SMAD7: variants seen among roughly 807,000 people sequenced by gnomAD.
SMAD7 encodes the protein SMAD family member 7.
In SMAD7, 8 loss-of-function variants were observed where a neutral mutation model predicts 38.7. That is an observed-to-expected ratio of 0.21 (90% CI 0.12 to 0.37). The LOEUF (loss-of-function observed/expected upper bound fraction) is 0.37, where lower values mean the gene tolerates loss of function less well. Among genes scored for constraint, SMAD7 ranks in the 10% least tolerant of loss-of-function variants. The pLI, the probability that SMAD7 is intolerant of heterozygous loss-of-function variation, is 1.00. For missense variants in SMAD7, 477 were observed against 577.9 expected (o/e 0.83, Z 1.79); for synonymous variants, 327 against 265.1 (o/e 1.23, Z -2.27).
At chr18:48,946,767 G>A (rs925014538) in intron 2 of SMAD7, among the ~76,000 whole-genome samples, 2 of 152,102 alleles carry the variant, frequency 1.3e-5, no homozygotes, top group African/African-American at 4.8e-5. Flanking sequence ...TCCACTCACC[G>A]AAAATGAGGC....
In SMAD7 at chr18:48,950,200, G is replaced by C. The variant is rs905354125; in HGVS notation, c.225C>G (p.Pro75=). Residue 75 remains proline, a synonymous_variant, in exon 1 of 4, where the codon CCC becomes CCG. Coordinates refer to ENST00000262158, the MANE Select transcript of SMAD7 (RefSeq NM_005904.4). Reference sequence around the variant, plus strand: ...CGCCGGCGCCCGCGGCTGGCGGGTGGGGATGGTGGTGACCTTTGGCACCTC... The same window carrying C: ...CGCCGGCGCCCGCGGCTGGCGGGTGCGGATGGTGGTGACCTTTGGCACCTC... ...AVRGAKGHHH[P]HPPAAGAGAA... is the part of the protein sequence containing the mutation. 3.4e-6 allele frequency: 5 copies of C among 1,487,684 alleles called. No homozygotes were observed. The Admixed American group carries it at 9.6e-5, about 28-fold the overall frequency. The allele number at this position is 1,487,684 out of a possible 1,614,324, so 92.2% of individuals were successfully genotyped here. A position where few individuals can be genotyped will look rare whatever the true frequency, so the allele number is the denominator to read the frequency against.
intron 3 of SMAD7, among the ~76,000 whole-genome samples, chr18:48,924,823 A>G (rs1264421276): frequency 6.6e-6 from 1 of 152,192 alleles, no homozygotes; most frequent in African/African-American, 2.4e-5. Context: ...CAGCAAAACC[A>G]TTCGGCAACA....
rs141908573 is a variant in SMAD7 at position 48,938,753 on chromosome 18, C to T, written c.742+3728G>A. On this transcript the variant is annotated intron_variant, in intron 3 of 3. Transcript: ENST00000262158. ...TAGCTTCCAACACATGCTCTGCATT[C>T]CCAGTGATCCCCGGAAAGCTCTGGG... Among the ~76,000 whole-genome samples, 394 of 152,316 alleles carry T rather than the reference C, an allele frequency of 2.6e-3. 4 individuals carry two copies. Among genetic ancestry groups the T allele is most frequent in the African/African-American group, 8.9e-3 (368 of 41,564 alleles).
At chr18:48,939,440 G>A (rs907096779) in intron 3 of SMAD7, among the ~76,000 whole-genome samples, 2 of 100,440 alleles carry the variant, frequency 2.0e-5, no homozygotes, top group Admixed American at 1.5e-4. Flanking sequence ...CAGCAGCCCC[G>A]CCCCCGGGCT....
chr18:48,922,351 A>T (rs932693995), intron 3 of SMAD7, among the ~76,000 whole-genome samples: 2 of 152,126 alleles, frequency 1.3e-5, no homozygotes, highest in Non-Finnish European at 2.9e-5. Flanking sequence ...TGTCATCCTG[A>T]TGAGAAAACC....
chr18:48,949,733 A>G (rs2070238995), intron 1 of SMAD7, 79 bp downstream of exon 1: 2 of 1,450,436 alleles, frequency 1.4e-6, no homozygotes, highest in South Asian at 2.8e-5. Context: ...GGATGGCTGC[A>G]CAAACGCACT....
At chr18:48,937,275 T>C (rs1463576270) in intron 3 of SMAD7, among the ~76,000 whole-genome samples, 2 of 148,894 alleles carry the variant, frequency 1.3e-5, no homozygotes, top group African/African-American at 5.0e-5. Flanking sequence ...TGTGTGTGTG[T>C]GTGTGTGTGT....
chr18:48,921,934 G>A lies in SMAD7; in HGVS notation c.743-24C>T, dbSNP rs755038255. 1.6e-5 allele frequency: 25 copies of A among 1,562,684 alleles called. No individual in the cohort carries two copies. Among genetic ancestry groups the A allele is most frequent in the East Asian group, 2.2e-5 (1 of 44,662 alleles). On this transcript the variant is annotated intron_variant, in intron 3 of 3. Transcript: ENST00000262158. This position sits in a 1 kb window ranked among gnomAD's most constrained non-coding sequence, Gnocchi z 6.4. Reference sequence around the variant, plus strand: ...ATCTAGAAAACACATTGGCAGAGAGGGTTAGTGGGGACAGGCATTGGTGAC... The same window carrying A: ...ATCTAGAAAACACATTGGCAGAGAGAGTTAGTGGGGACAGGCATTGGTGAC...
At chr18:48,925,053 G>A (rs1240071146) in intron 3 of SMAD7, among the ~76,000 whole-genome samples, 2 of 152,212 alleles carry the variant, frequency 1.3e-5, no homozygotes, top group Non-Finnish European at 2.9e-5. Context: ...CTGTGTGGAC[G>A]CTTTGCTCCC....
chr18:48,950,060 C>T lies in SMAD7; in HGVS notation c.365G>A (p.Arg122His), dbSNP rs1443790772. ...LQAVESRGGT[R>H]TACLLLPGRL... ...GCCGGGCAGCAGGAGGCACGCGGTG[C>T]GCGTCCCGCCGCGGGACTCCACGGC... Residue 122 changes from arginine to histidine, a missense_variant, in exon 1 of 4, where the codon CGC (arginine) becomes CAC (histidine). Arg to His is a conservative substitution (Grantham distance 29). Transcript: ENST00000262158. 1.4e-6 allele frequency: 2 copies of T among 1,435,902 alleles called. No homozygotes were observed. Among genetic ancestry groups the T allele is most frequent in the Non-Finnish European group, 1.8e-6 (2 of 1,097,620 alleles). The allele number at this position is 1,435,902 out of a possible 1,614,324, so 88.9% of individuals were successfully genotyped here.
At chr18:48,927,366 G>C (rs536595527) in intron 3 of SMAD7, among the ~76,000 whole-genome samples, 2 of 151,696 alleles carry the variant, frequency 1.3e-5, no homozygotes, top group African/African-American at 4.8e-5. Context: ...GGCTGGACTT[G>C]GGGGTGGGCA....
chr18:48,937,079 G>A (rs577745661), intron 3 of SMAD7, among the ~76,000 whole-genome samples: 11 of 147,228 alleles, frequency 7.5e-5, no homozygotes, highest in Admixed American at 4.7e-4. Context: ...ACTCCATCTC[G>A]AATTAAAAAA....
Position 48,921,935 on chromosome 18 carries a change from G to A in SMAD7, c.743-25C>T, listed in dbSNP as rs1394667535. ...TCTAGAAAACACATTGGCAGAGAGG[G>A]TTAGTGGGGACAGGCATTGGTGACT... On this transcript the variant is annotated intron_variant, in intron 3 of 3. Transcript: ENST00000262158. The surrounding 1 kb of genome is among the most constrained non-coding windows in gnomAD (Gnocchi z 6.4). The A allele has an allele frequency of 6.4e-7, 1 of 1,563,074 alleles. No individual in the cohort carries two copies. Among genetic ancestry groups the A allele is most frequent in the South Asian group, 1.2e-5 (1 of 84,576 alleles).
chr18:48,925,467 T>C (rs1047250734), intron 3 of SMAD7, among the ~76,000 whole-genome samples: 4 of 151,630 alleles, frequency 2.6e-5, no homozygotes, highest in Non-Finnish European at 5.9e-5. Flanking sequence ...CCTTAAAGCA[T>C]AAAATCCTCC....
chr18:48,920,554 A>T lies in SMAD7; in HGVS notation c.*818T>A, dbSNP rs939459430. 1 of 152,594 alleles carries T rather than the reference A, an allele frequency of 6.6e-6. No homozygotes were observed. Among genetic ancestry groups the T allele is most frequent in the East Asian group, 1.9e-4 (1 of 5,192 alleles). The allele number at this position is 152,594 out of a possible 1,614,324, so 9.5% of individuals were successfully genotyped here. ...GGCAGGCAGGGGAGAGGCTGAGGGGAGAGGGCACTGGGTGAGCAATACTGT... is the reference window on the plus strand; with the variant it reads ...GGCAGGCAGGGGAGAGGCTGAGGGGTGAGGGCACTGGGTGAGCAATACTGT... On this transcript the variant is annotated 3_prime_UTR_variant, in exon 4 of 4. Transcript: ENST00000262158.
rs1201425386 is a variant in SMAD7 at position 48,950,793 on chromosome 18, G to A, written c.-369C>T. On this transcript the variant is annotated 5_prime_UTR_variant, in exon 1 of 4. Coordinates refer to ENST00000262158, the MANE Select transcript of SMAD7 (RefSeq NM_005904.4). ...GCCCCCGTCGGCGCCTCCCCAAAAAGAGGCCCCCCCGCAGTGGCTCCCGAA... is the reference window on the plus strand; with the variant it reads ...GCCCCCGTCGGCGCCTCCCCAAAAAAAGGCCCCCCCGCAGTGGCTCCCGAA... 6.6e-6 allele frequency: 1 copy of A among 151,070 alleles called. No individual in the cohort carries two copies. Among genetic ancestry groups the A allele is most frequent in the African/African-American group, 2.4e-5 (1 of 41,324 alleles). The allele number at this position is 151,070 out of a possible 1,614,324, so 9.4% of individuals were successfully genotyped here.
In SMAD7 at chr18:48,949,838, T is replaced by C; in HGVS notation, c.587A>G (p.His196Arg). 1.2e-6 allele frequency: 2 copies of C among 1,611,946 alleles called. No individual in the cohort carries two copies. The highest frequency in any genetic ancestry group is 1.7e-6 in the Non-Finnish European group (2 of 1,179,012). ...INPELVCCNP[H>R]HLSRLCELES... ...TAGTTCGCAGAGTCGGCTAAGGTGA[T>C]GGGGGTTGCAGCACACCAGCTCGGG... Residue 196 changes from histidine to arginine, a missense_variant, in exon 1 of 4, where the codon CAT (histidine) becomes CGT (arginine). His to Arg is a conservative substitution (Grantham distance 29). Coordinates refer to ENST00000262158, the MANE Select transcript of SMAD7 (RefSeq NM_005904.4).
Position 48,920,119 on chromosome 18 carries a change from C to CAT in SMAD7, c.*1251_*1252dup, listed in dbSNP as rs1349173440. The CAT allele has an allele frequency of 1.3e-5, 2 of 152,162 alleles. No homozygotes were observed. The highest frequency in any genetic ancestry group is 2.9e-5 in the Non-Finnish European group (2 of 67,960). The allele number at this position is 152,162 out of a possible 1,614,324, so 9.4% of individuals were successfully genotyped here. A position where few individuals can be genotyped will look rare whatever the true frequency, so the allele number is the denominator to read the frequency against. On this transcript the variant is annotated 3_prime_UTR_variant, in exon 4 of 4. Coordinates refer to ENST00000262158, the MANE Select transcript of SMAD7 (RefSeq NM_005904.4). ...ATATATTTATATATAACATAAAATA[C>CAT]ATTTTTTTCTTTAATAAATCTCAGG...
intron 3 of SMAD7, among the ~76,000 whole-genome samples, chr18:48,933,306 C>T (rs942748138): frequency 1.2e-4 from 18 of 152,146 alleles, no homozygotes; most frequent in Non-Finnish European, 1.9e-4. Flanking sequence ...CCTACAGAAG[C>T]TGCCCCTGCC....
Sources: gnomAD v4.1 joint callset for allele counts (sites outside exome capture counted in the v4.1 genomes callset) on GRCh38, gnomAD v4.1.1 for gene constraint, Gnocchi (gnomAD v3.1) non-coding constraint, MANE v1.5 for transcripts, NCBI Gene and HGNC (gene_info 2026-07-23, HGNC 2026-07-21) for gene names.